HCN1: variants seen among roughly 807,000 people sequenced by gnomAD.
HCN1 encodes the protein hyperpolarization activated cyclic nucleotide gated potassium channel 1.
A neutral mutation model predicts 78.9 loss-of-function variants in HCN1; 13 were observed. The ratio of observed to expected loss-of-function variants is 0.16; its 90% CI spans 0.11 to 0.26. The LOEUF (loss-of-function observed/expected upper bound fraction) is 0.26. HCN1 is among the 10% of genes least tolerant of loss of function. The pLI is 1.00. For synonymous variants in HCN1, 552 were observed against 455.5 expected (o/e 1.21, Z -2.70); for missense variants, 810 against 1,154.3 (o/e 0.70, Z 4.32).
At chr5:45,624,082 C>G (rs1378728805) in intron 2 of HCN1, among the ~76,000 whole-genome samples, 1 of 152,104 alleles carries the variant, frequency 6.6e-6, no homozygotes, top group Non-Finnish European at 1.5e-5. Context: ...CTCTGTAATA[C>G]AAGGTGAGGT....
intron 6 of HCN1, among the ~76,000 whole-genome samples, chr5:45,287,486 T>C (rs1335979916): frequency 6.6e-6 from 1 of 152,108 alleles, no homozygotes; most frequent in East Asian, 1.9e-4. Context: ...AGCTGAGTTA[T>C]GTAATACATA....
intron 4 of HCN1, among the ~76,000 whole-genome samples, chr5:45,372,530 A>G: frequency 7.7e-6 from 1 of 129,252 alleles, no homozygotes; most frequent in East Asian, 2.3e-4. Context: ...AAAAATATAT[A>G]AAACATTTAC....
At chr5:45,389,184 C>G (rs749848745) in intron 4 of HCN1, among the ~76,000 whole-genome samples, 2 of 152,090 alleles carry the variant, frequency 1.3e-5, no homozygotes, top group Non-Finnish European at 2.9e-5. Context: ...ACCTTTCTCT[C>G]TGTTCTAGCT....
intron 2 of HCN1, among the ~76,000 whole-genome samples, chr5:45,614,037 C>T (rs866550886): frequency 4.6e-5 from 7 of 152,098 alleles, no homozygotes; most frequent in East Asian, 1.9e-4. Flanking sequence ...ATAGCAGGTC[C>T]GGAAAAATGA....
At chr5:45,580,574 C>A (rs1296606661) in intron 2 of HCN1, among the ~76,000 whole-genome samples, 1 of 152,076 alleles carries the variant, frequency 6.6e-6, no homozygotes, top group Non-Finnish European at 1.5e-5. Flanking sequence ...TTTTAGGGTA[C>A]ATGTGCACAA....
At chr5:45,481,662 G>A (rs1561170830) in intron 2 of HCN1, among the ~76,000 whole-genome samples, 1 of 152,178 alleles carries the variant, frequency 6.6e-6, no homozygotes, top group East Asian at 1.9e-4. Context: ...TGAATAGTGA[G>A]ATGAAGACTT....
rs112686562 is a variant in HCN1 at position 45,360,879 on chromosome 5, A to C, written c.1231-7633T>G. On this transcript the variant is annotated intron_variant, in intron 4 of 7. Transcript: ENST00000303230. ...GATACTCCTATTTTATCTTCATTTT[A>C]TATTTCCTTTTTTGGAAAGCTGGGT... Among the ~76,000 whole-genome samples the C allele has an allele frequency of 1.7e-4, 26 of 152,192 alleles. 1 individual carries two copies. The highest frequency in any genetic ancestry group is 6.0e-4 in the African/African-American group (25 of 41,548).
At chr5:45,372,400 A>C (rs1191055791) in intron 4 of HCN1, among the ~76,000 whole-genome samples, 1 of 118,276 alleles carries the variant, frequency 8.5e-6, no homozygotes, top group African/African-American at 3.3e-5. Context: ...TAAATTATAT[A>C]AAATATAATT....
In HCN1 at chr5:45,621,883, G is replaced by GA. The variant is rs920199075; in HGVS notation, c.849+23301dup. Among the ~76,000 whole-genome samples, 8 of 151,952 alleles carry GA rather than the reference G, an allele frequency of 5.3e-5. No homozygotes were observed. The East Asian group carries it at 5.8e-4, about 11-fold the overall frequency. On this transcript the variant is annotated intron_variant, in intron 2 of 7. Coordinates refer to ENST00000303230, the MANE Select transcript of HCN1 (RefSeq NM_021072.4). ...TATTAACATTTGAATAACCTAAGCA[G>GA]AAAAAAAATTGTTTTACTTATCATT... is the stretch of plus-strand genomic sequence containing the variant.
At chr5:45,375,619 T>G (rs1243122000) in intron 4 of HCN1, among the ~76,000 whole-genome samples, 1 of 63,730 alleles carries the variant, frequency 1.6e-5, no homozygotes, top group Non-Finnish European at 2.6e-5. Flanking sequence ...TGATACATAT[T>G]ATATATAAGA....
chr5:45,674,588 C>T (rs958677605), intron 1 of HCN1, among the ~76,000 whole-genome samples: 3 of 151,750 alleles, frequency 2.0e-5, no homozygotes, highest in Admixed American at 1.3e-4. Context: ...TTTGTGTCCT[C>T]TTCTACAACT....
At chr5:45,503,891 T>C (rs1363215716) in intron 2 of HCN1, among the ~76,000 whole-genome samples, 1 of 151,900 alleles carries the variant, frequency 6.6e-6, no homozygotes, top group Non-Finnish European at 1.5e-5. Flanking sequence ...GTTCAGGCGA[T>C]TCTCCTGCAT....
chr5:45,274,386 G>A (rs1745013715), intron 6 of HCN1, among the ~76,000 whole-genome samples: 1 of 152,150 alleles, frequency 6.6e-6, no homozygotes, highest in African/African-American at 2.4e-5. Context: ...GATCACGTGG[G>A]CCTCTGAATG....
intron 3 of HCN1, among the ~76,000 whole-genome samples, chr5:45,447,094 T>C (rs1740814924): frequency 1.3e-5 from 2 of 152,258 alleles, no homozygotes; most frequent in South Asian, 2.1e-4. Context: ...GACTGGCAAA[T>C]TGGATAAAGA....
intron 6 of HCN1, among the ~76,000 whole-genome samples, chr5:45,288,460 G>A (rs1157980461): frequency 9.9e-5 from 15 of 151,924 alleles, no homozygotes; most frequent in Admixed American, 9.9e-4. Flanking sequence ...TGGTCTGAAA[G>A]GGGCTGTAGA....
chr5:45,663,553 A>G (rs1360417442), intron 1 of HCN1, among the ~76,000 whole-genome samples: 2 of 113,220 alleles, frequency 1.8e-5, no homozygotes, highest in Non-Finnish European at 3.6e-5. Context: ...TTCGCAACCT[A>G]CTCATCTGAC....
intron 2 of HCN1, among the ~76,000 whole-genome samples, chr5:45,596,206 T>C (rs187180214): frequency 5.9e-5 from 9 of 152,202 alleles, no homozygotes; most frequent in Admixed American, 5.2e-4. Flanking sequence ...CCCGGACTTA[T>C]GATATTTTTG....
intron 7 of HCN1, among the ~76,000 whole-genome samples, chr5:45,265,563 T>A (rs1744838974): frequency 6.6e-6 from 1 of 152,210 alleles, no homozygotes; most frequent in South Asian, 2.1e-4. Context: ...TTCAGATCTC[T>A]ATGCAGTCTG....
intron 2 of HCN1, among the ~76,000 whole-genome samples, chr5:45,465,097 G>A (rs1425493742): frequency 1.3e-5 from 2 of 152,004 alleles, no homozygotes; most frequent in African/African-American, 4.8e-5. Context: ...TGGTGCTATT[G>A]CATGAAAACT....
Sources: allele counts gnomAD v4.1 joint callset (sites outside exome capture counted in the v4.1 genomes callset), GRCh38; gene constraint gnomAD v4.1.1; transcripts MANE v1.5; gene names NCBI Gene and HGNC (gene_info 2026-07-23, HGNC 2026-07-21).